The following ZC2HC1B variants were observed in gnomAD, a reference collection of about 807,000 sequenced individuals.
ZC2HC1B encodes the protein zinc finger C2HC domain-containing protein 1B.
ZC2HC1B carries 36 observed loss-of-function variants against 31.0 expected under a neutral mutation model. The ratio of observed to expected loss-of-function variants is 1.16; its 90% confidence interval spans 0.89 to 1.54. The LOEUF (loss-of-function observed/expected upper bound fraction) is 1.54, where lower values mean the gene tolerates loss of function less well. Ranked by LOEUF, ZC2HC1B falls within the 40% of genes most tolerant of loss-of-function variation. ZC2HC1B has a pLI of 0.00. For synonymous variants in ZC2HC1B, 73 were observed against 88.0 expected (o/e 0.83, Z 0.95); for missense variants, 260 against 268.6 (o/e 0.97, Z 0.22).
intron 1 of ZC2HC1B, among the ~76,000 whole-genome samples, chr6:143,866,695 TTA>T (rs1269795150): frequency 1.3e-5 from 2 of 152,242 alleles, no homozygotes; most frequent in Non-Finnish European, 2.9e-5. Flanking sequence ...TTCAATAATT[TTA>T]TGTTACTTCT....
At position 143,911,967 on chromosome 6, in the gene ZC2HC1B, T is replaced by TC. The variant is rs2128496092; in HGVS notation, c.598+8816dup. ...TTCTCAGAGGTTTTGTTCTTTTTTTTCATTCTTTTTTCTCTATTTTTGTCA... is the reference window on the plus strand; with the variant it reads ...TTCTCAGAGGTTTTGTTCTTTTTTTTCCATTCTTTTTTCTCTATTTTTGTCA... On this transcript the variant is annotated intron_variant, in intron 6 of 7. Coordinates refer to ENST00000237275, the MANE Select transcript of ZC2HC1B (RefSeq NM_001013623.3). This position sits in a 1 kb window ranked among gnomAD's most constrained non-coding sequence, Gnocchi z 4.5. Among the ~76,000 whole-genome samples, 1 of 152,308 alleles carries TC rather than the reference T, an allele frequency of 6.6e-6. No homozygotes were observed. Among genetic ancestry groups the TC allele is most frequent in the South Asian group, 2.1e-4 (1 of 4,834 alleles).
chr6:143,891,937 A>G (rs973315916), intron 4 of ZC2HC1B, among the ~76,000 whole-genome samples: 5 of 152,150 alleles, frequency 3.3e-5, no homozygotes, highest in African/African-American at 9.7e-5. Context: ...TCTGTGGGTA[A>G]TTGATTTTCT....
intron 5 of ZC2HC1B, among the ~76,000 whole-genome samples, chr6:143,901,855 A>C (rs1412962555): frequency 6.6e-6 from 1 of 152,128 alleles, no homozygotes; most frequent in Non-Finnish European, 1.5e-5. Flanking sequence ...CTAATTATGG[A>C]AAAGTTTGTA....
At position 143,869,960 on chromosome 6, in the gene ZC2HC1B, C is replaced by T. The variant is rs1436916697; in HGVS notation, c.28+5393C>T. 6.6e-6 allele frequency among the ~76,000 whole-genome samples: 1 copy of T among 152,210 alleles called. No individual in the cohort carries two copies. The highest frequency in any genetic ancestry group is 1.5e-5 in the Non-Finnish European group (1 of 68,036). On this transcript the variant is annotated intron_variant, in intron 1 of 7. Coordinates refer to ENST00000237275, the MANE Select transcript of ZC2HC1B (RefSeq NM_001013623.3). The surrounding 1 kb of genome is among the most constrained non-coding windows in gnomAD (Gnocchi z 5.2). ...TCCTATCCACTTGATTATTAAAATC[C>T]TCCTCTGCTGAGGTCACCAGTTGGT...
At chr6:143,873,888 T>A (rs1582950674) in intron 1 of ZC2HC1B, among the ~76,000 whole-genome samples, 1 of 152,238 alleles carries the variant, frequency 6.6e-6, no homozygotes, top group African/African-American at 2.4e-5. Context: ...ATTTTTTCCA[T>A]GGTCTTGGGG....
intron 6 of ZC2HC1B, among the ~76,000 whole-genome samples, chr6:143,925,536 C>CTTTTTTTTTT (rs36007959): frequency 2.9e-5 from 3 of 104,954 alleles, no homozygotes; most frequent in Admixed American, 1.0e-4. Flanking sequence ...CTTTTCTTTT[C>CTTTTTTTTTT]TTTTTTTTTT....
rs554467896 is a variant in ZC2HC1B, at chr6:143,929,144, A to G, written c.599-8505A>G. ...GTACTGTGCTGAATAGCAGTGGTGA[A>G]CATGGACATACTTGTCTTGTTCTAG... On this transcript the variant is annotated intron_variant, in intron 6 of 7. Coordinates refer to ENST00000237275, the MANE Select transcript of ZC2HC1B (RefSeq NM_001013623.3). Among the ~76,000 whole-genome samples, 8 of 152,276 alleles carry G rather than the reference A, an allele frequency of 5.3e-5. No homozygotes were observed. In the East Asian group the frequency reaches 1.5e-3, roughly 29 times the overall value.
chr6:143,873,636 C>A (rs774979653), intron 1 of ZC2HC1B, among the ~76,000 whole-genome samples: 3 of 152,252 alleles, frequency 2.0e-5, no homozygotes, highest in Non-Finnish European at 4.4e-5. Flanking sequence ...TCTGTGCACC[C>A]GCAAGCTCAA....
chr6:143,901,810 T>C (rs1777741804), intron 5 of ZC2HC1B, among the ~76,000 whole-genome samples: 1 of 152,116 alleles, frequency 6.6e-6, no homozygotes, highest in South Asian at 2.1e-4. Flanking sequence ...ATGACACTTT[T>C]GGAGGAATAT....
chr6:143,875,249 C>A (rs1777391373), intron 1 of ZC2HC1B, among the ~76,000 whole-genome samples: 1 of 152,192 alleles, frequency 6.6e-6, no homozygotes, highest in Non-Finnish European at 1.5e-5. Context: ...GCTGCCCTCA[C>A]AAATCTGTTT....
At position 143,865,418 on chromosome 6, in the gene ZC2HC1B, A is replaced by G. The variant is rs1777245787; in HGVS notation, c.28+851A>G. On this transcript the variant is annotated intron_variant, in intron 1 of 7. Coordinates refer to ENST00000237275, the MANE Select transcript of ZC2HC1B (RefSeq NM_001013623.3). This position sits in a 1 kb window ranked among gnomAD's most constrained non-coding sequence, Gnocchi z 4.4. ...CTTTCACTGCAGACAGACCTTCCTC[A>G]TGGTTGGTGCTCAGCTGTAACCTTC... is the stretch of plus-strand genomic sequence containing the variant. Among the ~76,000 whole-genome samples, 2 of 152,144 alleles carry G rather than the reference A, an allele frequency of 1.3e-5. No homozygotes were observed. The highest frequency in any genetic ancestry group is 4.8e-5 in the African/African-American group (2 of 41,422).
Position 143,864,556 on chromosome 6 carries a change from C to T in ZC2HC1B, c.17C>T (p.Pro6Leu), listed in dbSNP as rs777189892. Residue 6 changes from proline to leucine, a missense_variant, in exon 1 of 8, where the codon CCA becomes CTA. Transcript: ENST00000237275. ...AGGAACAGAATGGCTGGGGCAGAAC[C>T]ATTTTTGGCAGGTGAGCTGCACTTG... MAGAE[P>L]FLADGNQELF... 2 of 1,551,478 alleles carry T rather than the reference C, an allele frequency of 1.3e-6. No homozygotes were observed. The highest frequency in any genetic ancestry group is 1.7e-6 in the Non-Finnish European group (2 of 1,146,950).
Position 143,898,546 on chromosome 6 carries a change from A to G in ZC2HC1B, c.350-6A>G, listed in dbSNP as rs1777696380. Reference sequence around the variant, plus strand: ...AATTGCCATTTGTTGTTATCTTTACATTCAGATTATATTCAACGTCCATAT... The same window carrying G: ...AATTGCCATTTGTTGTTATCTTTACGTTCAGATTATATTCAACGTCCATAT... On this transcript the variant is annotated splice_polypyrimidine_tract_variant and splice_region_variant and intron_variant, in intron 4 of 7. Transcript: ENST00000237275. 1 of 1,551,406 alleles carries G rather than the reference A, an allele frequency of 6.4e-7. No individual in the cohort carries two copies. Among genetic ancestry groups the G allele is most frequent in the African/African-American group, 1.4e-5 (1 of 73,148 alleles).
intron 6 of ZC2HC1B, among the ~76,000 whole-genome samples, chr6:143,927,475 A>T (rs771126622): frequency 9.9e-5 from 15 of 152,200 alleles, no homozygotes; most frequent in Non-Finnish European, 1.8e-4. Context: ...TGCAAAAGAC[A>T]TTATATTATT....
intron 6 of ZC2HC1B, among the ~76,000 whole-genome samples, chr6:143,912,304 G>A (rs953483734): frequency 6.6e-6 from 1 of 152,196 alleles, no homozygotes; most frequent in African/African-American, 2.4e-5. Flanking sequence ...CTCAGCCCTT[G>A]CTGGAGAGGT....
In ZC2HC1B at chr6:143,887,517, T is replaced by G. The variant is rs9496800; in HGVS notation, c.349+696T>G. Among the ~76,000 whole-genome samples the G allele has an allele frequency of 0.022, 3,302 of 152,178 alleles. 124 individuals are homozygous for G. Among genetic ancestry groups the G allele is most frequent in the African/African-American group, 0.075 (3,112 of 41,518 alleles). The stretch of plus-strand genomic sequence containing the variant: ...TATTAATATGTTTTCCCAATTAGCT[T>G]AAGAATGGTTTTTAAAGCTCTCTTC... On this transcript the variant is annotated intron_variant, in intron 4 of 7. Coordinates refer to ENST00000237275, the MANE Select transcript of ZC2HC1B (RefSeq NM_001013623.3). The surrounding 1 kb of genome is among the most constrained non-coding windows in gnomAD (Gnocchi z 5.1).
chr6:143,919,957 T>G (rs1030902866), intron 6 of ZC2HC1B, among the ~76,000 whole-genome samples: 1 of 152,166 alleles, frequency 6.6e-6, no homozygotes, highest in African/African-American at 2.4e-5. Context: ...TTTTTCCTCA[T>G]TTGGGAAAAA....
intron 1 of ZC2HC1B, chr6:143,881,876 A>G (rs1777472685): frequency 6.6e-6 from 1 of 152,148 alleles, no homozygotes; most frequent in Admixed American, 6.5e-5. Context: ...GAATTGAATC[A>G]TATCATTTGT....
chr6:143,865,671 T>C lies in ZC2HC1B; in HGVS notation c.28+1104T>C, dbSNP rs1173285926. 1.3e-5 allele frequency among the ~76,000 whole-genome samples: 2 copies of C among 151,876 alleles called. No homozygotes were observed. The highest frequency in any genetic ancestry group is 4.8e-5 in the African/African-American group (2 of 41,306). On this transcript the variant is annotated intron_variant, in intron 1 of 7. Transcript: ENST00000237275. This position sits in a 1 kb window ranked among gnomAD's most constrained non-coding sequence, Gnocchi z 4.4. ...CATTCAGTATACAGTCACAAAGTAGTGTATGAATGAATGGATAGATGGGAA... is the reference window on the plus strand; with the variant it reads ...CATTCAGTATACAGTCACAAAGTAGCGTATGAATGAATGGATAGATGGGAA...
Sources: gnomAD v4.1 joint callset for allele counts (sites outside exome capture counted in the v4.1 genomes callset) on GRCh38, gnomAD v4.1.1 for gene constraint, Gnocchi (gnomAD v3.1) non-coding constraint, MANE v1.5 for transcripts, NCBI Gene and HGNC (gene_info 2026-07-23, HGNC 2026-07-21) for gene names.